Variants in ZNF420 observed in about 807,000 individuals in gnomAD.
ZNF420 encodes ATM and p53-associated KZNF protein.
Under a neutral mutation model 44.7 loss-of-function variants are expected in ZNF420, and 31 were observed. That is an observed-to-expected ratio of 0.69 (90% CI 0.52 to 0.94). The LOEUF (loss-of-function observed/expected upper bound fraction) is 0.94, where lower values mean the gene tolerates loss of function less well. Ranked by LOEUF, ZNF420 falls within the 40% of genes least tolerant of loss-of-function variation. The pLI is 0.00. For missense variants in ZNF420, 681 were observed against 827.9 expected, an observed-to-expected ratio of 0.82 and a Z score of 2.18; for synonymous variants, 245 against 267.4, an observed-to-expected ratio of 0.92 and a Z score of 0.82.
chr19:37,018,954 T>C (rs2074627010), intron 1 of ZNF420, among the ~76,000 whole-genome samples: 1 of 152,192 alleles, frequency 6.6e-6, no homozygotes, highest in Admixed American at 6.5e-5. Context: ...TTCATAGCAC[T>C]GCATTTGGTA....
intron 4 of ZNF420, among the ~76,000 whole-genome samples, chr19:37,100,596 C>T (rs915039256): frequency 6.6e-6 from 1 of 152,116 alleles, no homozygotes; most frequent in Non-Finnish European, 1.5e-5. Flanking sequence ...GTCTGTCATC[C>T]CAGCTACTCA....
intron 1 of ZNF420, among the ~76,000 whole-genome samples, chr19:37,029,095 G>A (rs1380251164): frequency 6.6e-6 from 1 of 152,138 alleles, no homozygotes; most frequent in Non-Finnish European, 1.5e-5. Flanking sequence ...GCATGGCCGG[G>A]CTTCACTGTA....
At chr19:37,040,977 T>C (rs2146410144) in intron 1 of ZNF420, among the ~76,000 whole-genome samples, 1 of 151,868 alleles carries the variant, frequency 6.6e-6, no homozygotes, top group East Asian at 1.9e-4. Context: ...ATTTATGGCT[T>C]ACTGGAAAAT....
intron 1 of ZNF420, among the ~76,000 whole-genome samples, chr19:37,053,194 C>A (rs1224448754): frequency 2.0e-5 from 3 of 152,156 alleles, no homozygotes; most frequent in Non-Finnish European, 2.9e-5. Flanking sequence ...AGTTTTCGTG[C>A]CTTGGCTTTT....
At chr19:37,104,091 A>C (rs1433989830) in intron 4 of ZNF420, among the ~76,000 whole-genome samples, 1 of 150,836 alleles carries the variant, frequency 6.6e-6, no homozygotes, top group Non-Finnish European at 1.5e-5. Flanking sequence ...TTAACTCGTC[A>C]TTTACATTAG....
chr19:37,066,857 A>G (rs557184360), intron 1 of ZNF420, among the ~76,000 whole-genome samples: 1 of 152,242 alleles, frequency 6.6e-6, no homozygotes, highest in African/African-American at 2.4e-5. Flanking sequence ...TTATGACACT[A>G]TTATTCATAA....
intron 4 of ZNF420, among the ~76,000 whole-genome samples, chr19:37,116,365 C>T (rs111386544): frequency 0.017 from 2,174 of 124,738 alleles, 49 homozygotes; most frequent in East Asian, 0.05. Context: ...CAGGACTCCA[C>T]CTCAAAAAAA....
intron 4 of ZNF420, among the ~76,000 whole-genome samples, chr19:37,124,698 G>A (rs780777017): frequency 9.3e-5 from 14 of 151,216 alleles, no homozygotes; most frequent in African/African-American, 9.7e-5. Context: ...CCAGAGTCTC[G>A]CTCTGTTGCC....
At chr19:37,053,316 T>C (rs968391569) in intron 1 of ZNF420, among the ~76,000 whole-genome samples, 3 of 152,204 alleles carry the variant, frequency 2.0e-5, no homozygotes, top group African/African-American at 7.2e-5. Flanking sequence ...ACTTCCTCCT[T>C]TAGCTCAGAG....
chr19:37,087,887 C>T (rs181987491), intron 2 of ZNF420, among the ~76,000 whole-genome samples: 18 of 152,294 alleles, frequency 1.2e-4, no homozygotes, highest in African/African-American at 4.1e-4. Context: ...CCTCGTGATC[C>T]GCCCGCTTCG....
intron 2 of ZNF420, among the ~76,000 whole-genome samples, chr19:37,084,930 A>G (rs1386565421): frequency 6.6e-6 from 1 of 152,114 alleles, no homozygotes; most frequent in Non-Finnish European, 1.5e-5. Flanking sequence ...TTTTGAAAGA[A>G]TTGATTTTTG....
chr19:37,127,265 G>T lies in ZNF420; in HGVS notation c.274G>T (p.Ala92Ser). Residue 92 changes from alanine to serine, a missense_variant, in exon 5 of 5, where the codon GCC (alanine) becomes TCC (serine). Physicochemically the swap from Ala to Ser is moderately conservative, Grantham distance 99 (BLOSUM62 1). This residue lies in a region of ZNF420 where 350 missense variants were observed against 382.5 expected (regional missense o/e 0.92). Transcript: ENST00000337995. ...EESNSRDYLE[A>S]KGKMEKQQEN... is the part of the protein sequence containing the mutation. ...GTCCAATTCCAGGGATTATTTGGAA[G>T]CCAAAGGCAAGATGGAGAAGCAACA... 6.2e-7 allele frequency: 1 copy of T among 1,613,652 alleles called. No homozygotes were observed.
intron 2 of ZNF420, among the ~76,000 whole-genome samples, chr19:37,085,218 T>C (rs1049309130): frequency 6.6e-6 from 1 of 152,218 alleles, no homozygotes; most frequent in South Asian, 2.1e-4. Flanking sequence ...TATTTAGAAG[T>C]ATGTTTAATT....
Position 37,128,020 on chromosome 19 carries a change from C to CT in ZNF420, c.1032dup (p.Ile345TyrfsTer16). The CT allele has an allele frequency of 6.2e-7, 1 of 1,613,316 alleles. No individual in the cohort carries two copies. The highest frequency in any genetic ancestry group is 8.5e-7 in the Non-Finnish European group (1 of 1,179,828). ...ATGAATGTAAGGAATGTGGAAGGGC[C>CT]TTTATTCGGGGCTCACTACTGATGC... is the stretch of plus-strand genomic sequence containing the variant. On this transcript the variant is annotated frameshift_variant, in exon 5 of 5. Coordinates refer to ENST00000337995, the MANE Select transcript of ZNF420 (RefSeq NM_144689.5). LOFTEE classifies it high-confidence loss of function.
upstream of ZNF420, among the ~76,000 whole-genome samples, chr19:37,076,381 TTTA>T (rs1297402078): frequency 4.6e-5 from 5 of 108,204 alleles, no homozygotes; most frequent in Admixed American, 3.4e-4. Context: ...TTTATTTTTA[TTTA>T]TTTATTATAC....
At chr19:37,046,721 A>G (rs562755199) in intron 1 of ZNF420, among the ~76,000 whole-genome samples, 2 of 152,350 alleles carry the variant, frequency 1.3e-5, no homozygotes, top group African/African-American at 4.8e-5. Context: ...ATTCAAATAC[A>G]TTTACATACA....
intron 1 of ZNF420, among the ~76,000 whole-genome samples, chr19:37,026,604 C>A (rs1198731349): frequency 6.6e-6 from 1 of 152,076 alleles, no homozygotes; most frequent in Non-Finnish European, 1.5e-5. Flanking sequence ...CAGTTGTGAG[C>A]CACCGGGCCT....
At chr19:37,024,390 T>A (rs1014311137) in intron 1 of ZNF420, among the ~76,000 whole-genome samples, 1 of 152,082 alleles carries the variant, frequency 6.6e-6, no homozygotes, top group Admixed American at 6.6e-5. Flanking sequence ...CTTGGCAAAA[T>A]CAACTTTCTA....
At position 37,127,878 on chromosome 19, in the gene ZNF420, T is replaced by TG; in HGVS notation, c.888dup (p.His297AlafsTer2). 2 of 1,613,926 alleles carry TG rather than the reference T, an allele frequency of 1.2e-6. No homozygotes were observed. Among genetic ancestry groups the TG allele is most frequent in the Non-Finnish European group, 1.7e-6 (2 of 1,179,914 alleles). Reference sequence around the variant, plus strand: ...TTTACTCAGCTCTCACAACTTATTCTGCATAAGAGAATTCATACCGGTGAG... The same window carrying TG: ...TTTACTCAGCTCTCACAACTTATTCTGGCATAAGAGAATTCATACCGGTGAG... On this transcript the variant is annotated frameshift_variant, in exon 5 of 5. Coordinates refer to ENST00000337995, the MANE Select transcript of ZNF420 (RefSeq NM_144689.5). LOFTEE classifies it high-confidence loss of function.
Sources: gnomAD v4.1 joint callset for allele counts (sites outside exome capture counted in the v4.1 genomes callset) on GRCh38, gnomAD v4.1.1 for gene constraint, gnomAD v4.1.1 regional missense constraint, MANE v1.5 for transcripts, NCBI Gene and HGNC (gene_info 2026-07-23, HGNC 2026-07-21) for gene names.